SSH2: variants seen among roughly 807,000 people sequenced by gnomAD.
SSH2 encodes protein phosphatase Slingshot homolog 2.
In SSH2, 37 loss-of-function variants were observed where a neutral mutation model predicts 135.2. The observed-to-expected ratio is 0.27, with a 90% CI of 0.21 to 0.36. The LOEUF (loss-of-function observed/expected upper bound fraction) is 0.36. SSH2 is among the 10% of genes least tolerant of loss of function. The probability of loss-of-function intolerance (pLI) is 1.00; values close to 1 mark genes in which losing one functional copy is unlikely to be tolerated. For synonymous variants in SSH2, 628 were observed against 646.2 expected (o/e 0.97, Z 0.43); for missense variants, 1,408 against 1,765.3 (o/e 0.80, Z 3.63).
intron 3 of SSH2, among the ~76,000 whole-genome samples, chr17:29,757,703 C>T (rs1452199698): frequency 1.8e-5 from 2 of 109,440 alleles, no homozygotes; most frequent in Non-Finnish European, 3.6e-5. Flanking sequence ...TCAGCCTGGG[C>T]AACAAAGTGA....
At chr17:29,711,112 G>C (rs2039417530) in intron 3 of SSH2, among the ~76,000 whole-genome samples, 1 of 152,136 alleles carries the variant, frequency 6.6e-6, no homozygotes, top group Non-Finnish European at 1.5e-5. Context: ...CCAATTACCG[G>C]CCGAAGCAGA....
chr17:29,898,270 A>G (rs2066480605), intron 1 of SSH2, among the ~76,000 whole-genome samples: 1 of 152,320 alleles, frequency 6.6e-6, no homozygotes, highest in African/African-American at 2.4e-5. Context: ...GCAAGAAATA[A>G]CTAAGATCAG....
intron 3 of SSH2, among the ~76,000 whole-genome samples, chr17:29,772,900 C>T (rs1004716609): frequency 6.6e-6 from 1 of 152,112 alleles, no homozygotes; most frequent in Non-Finnish European, 1.5e-5. Flanking sequence ...GCTTCCCTGG[C>T]TCTGAGGCTT....
intron 5 of SSH2, among the ~76,000 whole-genome samples, chr17:29,688,215 T>C (rs562165641): frequency 6.6e-6 from 1 of 152,224 alleles, no homozygotes; most frequent in South Asian, 2.1e-4. Context: ...TTCACCATGT[T>C]GGCCAGGATG....
intron 6 of SSH2, among the ~76,000 whole-genome samples, chr17:29,678,153 G>C (rs545916816): frequency 6.7e-6 from 1 of 150,308 alleles, no homozygotes; most frequent in South Asian, 2.1e-4. Context: ...GAGTGCAGTG[G>C]TGCAGTCTCA....
chr17:29,740,505 T>A (rs755458214), intron 3 of SSH2, among the ~76,000 whole-genome samples: 1 of 152,026 alleles, frequency 6.6e-6, no homozygotes, highest in Non-Finnish European at 1.5e-5. Context: ...TTAGATCTGC[T>A]GGTGACATTT....
chr17:29,659,336 C>T lies in SSH2; in HGVS notation c.1033-3729G>A, dbSNP rs554683422. The stretch of plus-strand genomic sequence containing the variant: ...TGGTCCCACCAGCAATGCATCAGAG[C>T]ACCACTTTCCCCACAGCCTCTCCAA... On this transcript the variant is annotated intron_variant, in intron 11 of 15. Coordinates refer to ENST00000540801, the MANE Select transcript of SSH2 (RefSeq NM_001282129.2). Among the ~76,000 whole-genome samples the T allele has an allele frequency of 2.2e-3, 334 of 152,270 alleles. 1 individual carries two copies. Among genetic ancestry groups the T allele is most frequent in the African/African-American group, 7.9e-3 (329 of 41,538 alleles).
At chr17:29,790,289 T>C (rs777214705) in intron 3 of SSH2, among the ~76,000 whole-genome samples, 2 of 152,136 alleles carry the variant, frequency 1.3e-5, no homozygotes, top group African/African-American at 2.4e-5. Flanking sequence ...CTTAAAAGAA[T>C]AGGAAGAGAC....
At chr17:29,796,297 T>C (rs2042154643) in intron 2 of SSH2, among the ~76,000 whole-genome samples, 1 of 152,246 alleles carries the variant, frequency 6.6e-6, no homozygotes, top group South Asian at 2.1e-4. Context: ...TGAAAGATCT[T>C]ATAGCGAACT....
intron 5 of SSH2, among the ~76,000 whole-genome samples, chr17:29,692,527 AT>A (rs2065407101): frequency 6.6e-6 from 1 of 152,234 alleles, no homozygotes; most frequent in Non-Finnish European, 1.5e-5. Flanking sequence ...TAAGAAAAGA[AT>A]TGCCAGCTCT....
At chr17:29,786,999 A>C (rs1183363506) in intron 3 of SSH2, among the ~76,000 whole-genome samples, 1 of 152,178 alleles carries the variant, frequency 6.6e-6, no homozygotes, top group Non-Finnish European at 1.5e-5. Flanking sequence ...AAACATAAAA[A>C]TTTCCATCTT....
intron 2 of SSH2, among the ~76,000 whole-genome samples, chr17:29,803,178 A>C (rs929625869): frequency 6.6e-6 from 1 of 152,240 alleles, no homozygotes; most frequent in Non-Finnish European, 1.5e-5. Flanking sequence ...GCTTTATAAC[A>C]AATTACTGCT....
intron 1 of SSH2, among the ~76,000 whole-genome samples, chr17:29,868,737 CAAAA>C (rs10670727): frequency 8.3e-6 from 1 of 120,186 alleles, no homozygotes; most frequent in Non-Finnish European, 1.7e-5. Context: ...GACTCCACCT[CAAAA>C]AAAAAAAAAA....
At chr17:29,693,421 C>T (rs1035365540) in intron 5 of SSH2, among the ~76,000 whole-genome samples, 5 of 152,080 alleles carry the variant, frequency 3.3e-5, no homozygotes, top group Admixed American at 2.6e-4. Context: ...AAGTGATTCT[C>T]CTGCCTCAGC....
chr17:29,639,032 A>G (rs2036036771), intron 14 of SSH2, among the ~76,000 whole-genome samples: 1 of 152,200 alleles, frequency 6.6e-6, no homozygotes, highest in Admixed American at 6.5e-5. Context: ...AAAGCAAAGG[A>G]ACGGCTAGTA....
chr17:29,860,303 T>G (rs1236918765), intron 1 of SSH2, among the ~76,000 whole-genome samples: 1 of 152,238 alleles, frequency 6.6e-6, no homozygotes, highest in African/African-American at 2.4e-5. Flanking sequence ...CCATTCTGAC[T>G]GCTGTGAGAT....
Position 29,925,970 on chromosome 17 carries a change from A to G in SSH2, c.63+3968T>C, listed in dbSNP as rs964588821. Among the ~76,000 whole-genome samples the G allele has an allele frequency of 7.2e-5, 11 of 152,336 alleles. 1 individual carries two copies. Among genetic ancestry groups the G allele is most frequent in the Admixed American group, 5.9e-4 (9 of 15,290 alleles). ...CAAAAGAGACAGAGATAATTCTTAT[A>G]TTGCCCTCTAATAATCAGGAAACAT... On this transcript the variant is annotated intron_variant, in intron 1 of 15. Coordinates refer to ENST00000540801, the MANE Select transcript of SSH2 (RefSeq NM_001282129.2).
intron 1 of SSH2, among the ~76,000 whole-genome samples, chr17:29,902,240 T>C (rs2066571028): frequency 1.3e-5 from 2 of 152,210 alleles, no homozygotes; most frequent in Non-Finnish European, 2.9e-5. Context: ...GTCTCTTCTT[T>C]ACTCAATTGC....
chr17:29,632,041 A>G lies in SSH2; in HGVS notation c.3153T>C (p.Thr1051=), dbSNP rs753100813. 6.2e-7 allele frequency: 1 copy of G among 1,614,164 alleles called. No homozygotes were observed. Among genetic ancestry groups the G allele is most frequent in the Non-Finnish European group, 8.5e-7 (1 of 1,180,022 alleles). The stretch of plus-strand genomic sequence containing the variant: ...TGGTGGCTATTTCACTCCCTGGCCC[A>G]GTGTGATTGGGTGATGTAACTATGT... The part of the protein sequence containing the change: ...YTHIVTSPNH[T]GPGSEIATSE... Residue 1051 remains threonine, a synonymous_variant, in exon 16 of 16, where the codon ACT becomes ACC. Coordinates refer to ENST00000540801, the MANE Select transcript of SSH2 (RefSeq NM_001282129.2).
Sources: allele counts gnomAD v4.1 joint callset (sites outside exome capture counted in the v4.1 genomes callset), GRCh38; gene constraint gnomAD v4.1.1; transcripts MANE v1.5; gene names NCBI Gene and HGNC (gene_info 2026-07-23, HGNC 2026-07-21).